Variants in SORCS1 observed in about 807,000 individuals in gnomAD.
SORCS1 encodes VPS10 domain-containing receptor SorCS1.
SORCS1 carries 60 observed loss-of-function variants against 146.1 expected under a neutral mutation model. The observed-to-expected ratio is 0.41, with a 90% confidence interval of 0.33 to 0.51. The LOEUF (loss-of-function observed/expected upper bound fraction) is 0.51. SORCS1 is among the 20% of genes least tolerant of loss of function. The pLI, the probability that SORCS1 is intolerant of heterozygous loss-of-function variation, is 0.21. For missense variants in SORCS1, 1,352 were observed against 1,487.6 expected (o/e 0.91, Z 1.50); for synonymous variants, 637 against 584.0 (o/e 1.09, Z -1.31).
intron 8 of SORCS1, among the ~76,000 whole-genome samples, chr10:106,702,266 C>T (rs11193015): frequency 1.7e-3 from 262 of 152,288 alleles, no homozygotes; most frequent in Non-Finnish European, 3.1e-3. Flanking sequence ...AACAACTATT[C>T]CCAATTCATC....
chr10:106,796,698 T>C (rs1015856375), intron 3 of SORCS1, among the ~76,000 whole-genome samples: 3 of 152,206 alleles, frequency 2.0e-5, no homozygotes, highest in African/African-American at 7.2e-5. Flanking sequence ...GTTTGGGAAC[T>C]AGAAACTTTT....
chr10:107,147,942 G>C (rs1968470630), intron 1 of SORCS1, among the ~76,000 whole-genome samples: 1 of 152,080 alleles, frequency 6.6e-6, no homozygotes. Context: ...TGAAAGTGTT[G>C]GAGAAATCGT....
intron 3 of SORCS1, among the ~76,000 whole-genome samples, chr10:106,778,809 G>A (rs1213233278): frequency 2.0e-5 from 3 of 152,102 alleles, no homozygotes; most frequent in African/African-American, 7.2e-5. Flanking sequence ...TTCCCTGTTA[G>A]CCAGAATATG....
chr10:106,835,035 T>C (rs1347333830), intron 2 of SORCS1, among the ~76,000 whole-genome samples: 1 of 152,226 alleles, frequency 6.6e-6, no homozygotes, highest in East Asian at 1.9e-4. Flanking sequence ...CATTTGAAAG[T>C]ATGTCTCTAT....
chr10:106,857,573 A>C (rs1371307814), intron 2 of SORCS1, among the ~76,000 whole-genome samples: 1 of 152,236 alleles, frequency 6.6e-6, no homozygotes, highest in Non-Finnish European at 1.5e-5. Flanking sequence ...TCCGAAAGCC[A>C]AGGGCGCATT....
intron 2 of SORCS1, among the ~76,000 whole-genome samples, chr10:106,923,779 C>G (rs1473615567): frequency 1.3e-5 from 2 of 152,176 alleles, no homozygotes; most frequent in African/African-American, 4.8e-5. Flanking sequence ...CTGTTCAGAT[C>G]TTTTGCCCGT....
chr10:106,612,392 C>T (rs1381516285), intron 21 of SORCS1, among the ~76,000 whole-genome samples: 1 of 135,168 alleles, frequency 7.4e-6, no homozygotes, highest in Admixed American at 7.5e-5. Flanking sequence ...TTTTCTCCCC[C>T]TCCCGCCCCC....
chr10:106,597,620 AT>A (rs966458212), intron 23 of SORCS1, among the ~76,000 whole-genome samples, 170 bp from the exon 24 acceptor site: 1 of 152,224 alleles, frequency 6.6e-6, no homozygotes, highest in Non-Finnish European at 1.5e-5. Context: ...AGATACAATT[AT>A]TTTTAAGCAT....
At chr10:106,642,642 T>C (rs532986765) in intron 18 of SORCS1, among the ~76,000 whole-genome samples, 4 of 152,320 alleles carry the variant, frequency 2.6e-5, no homozygotes, top group Admixed American at 2.6e-4. Context: ...TGGCTTAATT[T>C]ATACCCAAGC....
intron 5 of SORCS1, among the ~76,000 whole-genome samples, chr10:106,734,857 T>C (rs1247365621): frequency 6.6e-6 from 1 of 152,096 alleles, no homozygotes; most frequent in African/African-American, 2.4e-5. Context: ...ACCTAAGAAA[T>C]TAAAATGTAT....
At chr10:106,865,830 C>T (rs1221853042) in intron 2 of SORCS1, among the ~76,000 whole-genome samples, 1 of 151,744 alleles carries the variant, frequency 6.6e-6, no homozygotes, top group African/African-American at 2.4e-5. Flanking sequence ...GTCAGGAGTT[C>T]AAGACCAGCC....
rs1422508971 is a variant in SORCS1, at chr10:106,667,814, G to T, written c.2190-12C>A. 1 of 1,610,086 alleles carries T rather than the reference G, an allele frequency of 6.2e-7. No homozygotes were observed. Among genetic ancestry groups the T allele is most frequent in the South Asian group, 1.1e-5 (1 of 90,252 alleles). ...CATAACCATAGTCGCTGTTAGGAAA[G>T]AGCCGAGAAAAACCTTTCACTAGGT... is the stretch of plus-strand genomic sequence containing the variant. On this transcript the variant is annotated splice_polypyrimidine_tract_variant and intron_variant, in intron 16 of 25. Coordinates refer to ENST00000263054, the MANE Select transcript of SORCS1 (RefSeq NM_052918.5).
intron 1 of SORCS1, among the ~76,000 whole-genome samples, chr10:106,973,673 AT>A (rs900849150): frequency 2.2e-4 from 34 of 152,172 alleles, no homozygotes; most frequent in Admixed American, 1.8e-3. Flanking sequence ...GTTTCCTTCC[AT>A]TTTTTTCCCC....
At chr10:106,716,068 T>C (rs1200449790) in intron 6 of SORCS1, among the ~76,000 whole-genome samples, 2 of 152,178 alleles carry the variant, frequency 1.3e-5, no homozygotes, top group Non-Finnish European at 2.9e-5. Context: ...TCTTTTTATA[T>C]TCAATTTTTG....
At chr10:106,965,722 CCTGT>C (rs1955464330) in intron 1 of SORCS1, among the ~76,000 whole-genome samples, 1 of 152,106 alleles carries the variant, frequency 6.6e-6, no homozygotes, top group Non-Finnish European at 1.5e-5. Context: ...TCTCTGGTAT[CCTGT>C]CTAATATGGG....
intron 1 of SORCS1, among the ~76,000 whole-genome samples, chr10:107,080,355 A>T (rs1963236406): frequency 6.6e-6 from 1 of 152,166 alleles, no homozygotes; most frequent in Admixed American, 6.6e-5. Context: ...GTAAAATGAG[A>T]TTATCTCCCT....
intron 9 of SORCS1, 81 bp from the exon 10 acceptor site, chr10:106,688,419 T>C: frequency 6.6e-7 from 1 of 1,512,572 alleles, no homozygotes; most frequent in Non-Finnish European, 8.9e-7. Context: ...AAGAAGGCTG[T>C]CAAAGTCAGC....
chr10:106,713,390 T>C (rs1855135728), intron 6 of SORCS1, among the ~76,000 whole-genome samples: 1 of 152,260 alleles, frequency 6.6e-6, no homozygotes, highest in South Asian at 2.1e-4. Context: ...GAGGACTTGA[T>C]GCATACACAA....
At chr10:106,825,474 A>G (rs971026734) in intron 3 of SORCS1, among the ~76,000 whole-genome samples, 7 of 151,710 alleles carry the variant, frequency 4.6e-5, no homozygotes, top group African/African-American at 1.7e-4. Flanking sequence ...GGGTTTCACC[A>G]TGTTAGCCAG....
Sources: gnomAD v4.1 joint callset for allele counts (sites outside exome capture counted in the v4.1 genomes callset) on GRCh38, gnomAD v4.1.1 for gene constraint, MANE v1.5 for transcripts, NCBI Gene and HGNC (gene_info 2026-07-23, HGNC 2026-07-21) for gene names.